Variants in ARHGAP32 observed in about 807,000 individuals in gnomAD.
The protein encoded by ARHGAP32 is rho GTPase-activating protein 32.
Under a neutral mutation model 186.5 loss-of-function variants are expected in ARHGAP32, and 51 were observed. The observed-to-expected ratio is 0.27, with a 90% CI of 0.22 to 0.35. The LOEUF (loss-of-function observed/expected upper bound fraction) is 0.35, where lower values mean the gene tolerates loss of function less well. Among genes scored for constraint, ARHGAP32 ranks in the 10% least tolerant of loss-of-function variants. The pLI, the probability that ARHGAP32 is intolerant of heterozygous loss-of-function variation, is 1.00. For missense variants in ARHGAP32, 2,186 were observed against 2,623.5 expected, an observed-to-expected ratio of 0.83 and a Z score of 3.64; for synonymous variants, 950 against 964.3, an observed-to-expected ratio of 0.99 and a Z score of 0.27.
Position 128,970,020 on chromosome 11 carries a change from G to A in ARHGAP32, c.5193C>T (p.Gly1731=), listed in dbSNP as rs763090450. 3.7e-6 allele frequency: 6 copies of A among 1,614,188 alleles called. No individual in the cohort carries two copies. The Admixed American group carries it at 6.7e-5, about 18-fold the overall frequency. The part of the protein sequence containing the change: ...LAPRPRANVT[G]YFSPNDHNVV... Reference sequence around the variant, plus strand: ...CATTATGGTCGTTGGGAGAGAAATAGCCAGTCACGTTGGCCCGGGGACGTG... The same window carrying A: ...CATTATGGTCGTTGGGAGAGAAATAACCAGTCACGTTGGCCCGGGGACGTG... Residue 1731 remains glycine (G), a synonymous_variant, in exon 23 of 23, where the codon GGC becomes GGT. Coordinates refer to ENST00000682385, the MANE Select transcript of ARHGAP32 (RefSeq NM_001378024.1). This position sits in a 1 kb window ranked among gnomAD's most constrained non-coding sequence, Gnocchi z 5.8.
Position 128,968,915 on chromosome 11 carries a change from C to A in ARHGAP32, c.6298G>T (p.Ala2100Ser). 1.3e-6 allele frequency: 2 copies of A among 1,523,902 alleles called. No homozygotes were observed. The highest frequency in any genetic ancestry group is 1.3e-5 in the South Asian group (1 of 76,370). 94.4% of individuals were successfully genotyped at this position (1,523,902 alleles called of 1,614,324 possible). The change falls in exon 23 of 23, where the codon GCA (alanine) becomes TCA (serine). Residue 2100 changes from alanine to serine, a missense_variant. Physicochemically the swap from Ala to Ser is moderately conservative, Grantham distance 99 (BLOSUM62 1). Around this residue, in one of 5 missense-constraint regions of ARHGAP32, gnomAD observed 1,502 missense variants for 1,570.0 expected, o/e 0.96. Coordinates refer to ENST00000682385, the MANE Select transcript of ARHGAP32 (RefSeq NM_001378024.1). ...TCTATTGCTCGCAGGGCTCATTCTGCATGGATCTGTGTTTCAGGATGCTGC... is the reference window on the plus strand; with the variant it reads ...TCTATTGCTCGCAGGGCTCATTCTGAATGGATCTGTGTTTCAGGATGCTGC... ...SLQHPETQIH[A>S]E
At chr11:129,108,582 CAT>C (rs1033586652) in intron 5 of ARHGAP32, among the ~76,000 whole-genome samples, 10 of 152,112 alleles carry the variant, frequency 6.6e-5, no homozygotes, top group Non-Finnish European at 1.2e-4. Context: ...AGAATATTTT[CAT>C]ATGTTTGTTG....
intron 1 of ARHGAP32, among the ~76,000 whole-genome samples, chr11:129,277,206 T>C (rs1294402119): frequency 6.6e-6 from 1 of 151,872 alleles, no homozygotes. Flanking sequence ...CAAGCAACAA[T>C]AAAAACATCG....
chr11:129,042,422 T>C (rs555851567), intron 10 of ARHGAP32, among the ~76,000 whole-genome samples: 1 of 152,306 alleles, frequency 6.6e-6, no homozygotes, highest in Admixed American at 6.5e-5. Flanking sequence ...AAATGATGCT[T>C]TAGGTATTTG....
At chr11:129,206,525 T>G (rs1288055954) in intron 1 of ARHGAP32, among the ~76,000 whole-genome samples, 1 of 152,170 alleles carries the variant, frequency 6.6e-6, no homozygotes, top group Admixed American at 6.6e-5. Context: ...TGATTTTTTC[T>G]TTTTTTAAAT....
rs375399478 is a variant in ARHGAP32, at chr11:129,101,244, A to G, written c.445-7537T>C. On this transcript the variant is annotated intron_variant, in intron 5 of 22. Coordinates refer to ENST00000682385, the MANE Select transcript of ARHGAP32 (RefSeq NM_001378024.1). ...AGGCCAGCAACCTAAAAGACTGTACATAAGCCCACAAACATGAGAAAGAAT... is the reference window on the plus strand; with the variant it reads ...AGGCCAGCAACCTAAAAGACTGTACGTAAGCCCACAAACATGAGAAAGAAT... 3.2e-3 allele frequency among the ~76,000 whole-genome samples: 485 copies of G among 152,352 alleles called. 2 individuals carry two copies. The highest frequency in any genetic ancestry group is 0.011 in the African/African-American group (437 of 41,578).
At chr11:129,000,771 T>C (rs944998257) in intron 11 of ARHGAP32, among the ~76,000 whole-genome samples, 2 of 151,166 alleles carry the variant, frequency 1.3e-5, no homozygotes, top group Non-Finnish European at 3.0e-5. Context: ...CCCCCCACCA[T>C]TGGCTTATTA....
intron 1 of ARHGAP32, among the ~76,000 whole-genome samples, chr11:129,278,990 G>A (rs1485665632): frequency 1.4e-5 from 2 of 147,072 alleles, no homozygotes; most frequent in African/African-American, 4.9e-5. Flanking sequence ...GGCCGGGGGC[G>A]GGGGGACAAC....
intron 5 of ARHGAP32, among the ~76,000 whole-genome samples, chr11:129,100,516 A>G (rs1369237829): frequency 6.6e-6 from 1 of 152,116 alleles, no homozygotes; most frequent in Non-Finnish European, 1.5e-5. Flanking sequence ...AACTCCACAC[A>G]TCACTTTGCT....
At chr11:129,154,883 A>G (rs2135462089) in intron 2 of ARHGAP32, among the ~76,000 whole-genome samples, 2 of 145,446 alleles carry the variant, frequency 1.4e-5, no homozygotes, top group South Asian at 2.2e-4. Flanking sequence ...CTACTGAAAT[A>G]ACATTTAAAA....
intron 22 of ARHGAP32, 29 bp downstream of exon 22, chr11:128,972,424 T>C: frequency 3.3e-6 from 5 of 1,505,976 alleles, no homozygotes; most frequent in Non-Finnish European, 4.4e-6. Flanking sequence ...ATAGTATATT[T>C]CATCTCACTG....
At chr11:129,224,036 G>A (rs1326710699) in intron 1 of ARHGAP32, among the ~76,000 whole-genome samples, 3 of 152,168 alleles carry the variant, frequency 2.0e-5, no homozygotes, top group African/African-American at 4.8e-5. Flanking sequence ...AGGCTCCATG[G>A]TGATGACGAA....
chr11:129,161,103 T>C (rs995189430), intron 2 of ARHGAP32, among the ~76,000 whole-genome samples: 1 of 152,172 alleles, frequency 6.6e-6, no homozygotes, highest in African/African-American at 2.4e-5. Context: ...GATACCCATA[T>C]GCAGAAAATT....
At chr11:129,216,533 C>T (rs1944648284) in intron 1 of ARHGAP32, among the ~76,000 whole-genome samples, 1 of 151,754 alleles carries the variant, frequency 6.6e-6, no homozygotes, top group African/African-American at 2.4e-5. Context: ...ATTAGCCCAG[C>T]ATGGTGGCTG....
chr11:128,987,241 A>G (rs1945900308), intron 13 of ARHGAP32, among the ~76,000 whole-genome samples: 1 of 152,146 alleles, frequency 6.6e-6, no homozygotes, highest in Non-Finnish European at 1.5e-5. Flanking sequence ...GAGTAAGCTC[A>G]CTCTCCAGGA....
At chr11:129,089,907 G>C (rs866666039) in intron 6 of ARHGAP32, among the ~76,000 whole-genome samples, 6 of 152,158 alleles carry the variant, frequency 3.9e-5, no homozygotes, top group Non-Finnish European at 7.4e-5. Flanking sequence ...TTTGTCATGG[G>C]ATTATCTGAA....
chr11:129,025,070 T>G (rs1225775518), intron 11 of ARHGAP32, among the ~76,000 whole-genome samples: 1 of 152,232 alleles, frequency 6.6e-6, no homozygotes, highest in Non-Finnish European at 1.5e-5. Flanking sequence ...CAGGTATTTT[T>G]TAATTTACAA....
intron 5 of ARHGAP32, among the ~76,000 whole-genome samples, chr11:129,112,014 C>T (rs1942232057): frequency 6.6e-6 from 1 of 152,102 alleles, no homozygotes; most frequent in Non-Finnish European, 1.5e-5. Flanking sequence ...CTGCCTGCCT[C>T]GGCCTCCCAC....
intron 1 of ARHGAP32, among the ~76,000 whole-genome samples, chr11:129,170,694 A>AT: frequency 6.6e-6 from 1 of 151,612 alleles, no homozygotes; most frequent in Admixed American, 6.6e-5. Flanking sequence ...GGGTAATGGA[A>AT]TTGCTAGGTC....
Sources: gnomAD v4.1 joint callset for allele counts (sites outside exome capture counted in the v4.1 genomes callset) on GRCh38, gnomAD v4.1.1 for gene constraint, gnomAD v4.1.1 regional missense constraint, Gnocchi (gnomAD v3.1) non-coding constraint, MANE v1.5 for transcripts, NCBI Gene and HGNC (gene_info 2026-07-23, HGNC 2026-07-21) for gene names.